SLC1A7: variants seen among roughly 807,000 people sequenced by gnomAD.
SLC1A7 encodes excitatory amino acid transporter 5.
In SLC1A7, 40 loss-of-function variants were observed where a neutral mutation model predicts 47.7. That is an observed-to-expected ratio of 0.84 (90% CI 0.65 to 1.09). SLC1A7 has a LOEUF of 1.09. Among genes scored for constraint, SLC1A7 ranks in the 50% least tolerant of loss-of-function variants. SLC1A7 has a pLI of 0.00. For missense variants in SLC1A7, 746 were observed against 769.5 expected, an observed-to-expected ratio of 0.97 and a Z score of 0.36; for synonymous variants, 323 against 325.6, an observed-to-expected ratio of 0.99 and a Z score of 0.09.
chr1:53,103,097 A>T, intron 5 of SLC1A7: 1 of 419,754 alleles, frequency 2.4e-6, no homozygotes, highest in East Asian at 4.0e-5. Flanking sequence ...AGGGTGTGGC[A>T]GGGATGCCAG....
chr1:53,134,625 C>T (rs140652714), intron 1 of SLC1A7, among the ~76,000 whole-genome samples, 196 bp from the exon 2 acceptor site: 75 of 152,250 alleles, frequency 4.9e-4, no homozygotes, highest in African/African-American at 1.8e-3. Flanking sequence ...CTCCACCAAT[C>T]CCCCACAAGC....
chr1:53,099,700 TCACA>T (rs1340764751), intron 5 of SLC1A7, among the ~76,000 whole-genome samples: 1 of 110,774 alleles, frequency 9.0e-6, no homozygotes, highest in Non-Finnish European at 2.0e-5. Flanking sequence ...CTCGGTACAC[TCACA>T]CACACCACCT....
chr1:53,116,340 TG>T (rs1644761147), intron 2 of SLC1A7: 1 of 152,360 alleles, frequency 6.6e-6, no homozygotes, highest in Non-Finnish European at 1.5e-5. Context: ...CCACTGTCCC[TG>T]CCCCCACCTC....
intron 2 of SLC1A7, among the ~76,000 whole-genome samples, chr1:53,125,759 C>T (rs1370174878): frequency 1.2e-4 from 18 of 152,182 alleles, no homozygotes; most frequent in Admixed American, 1.1e-3. Flanking sequence ...TCCACCAGAG[C>T]GTGCGGGACC....
In SLC1A7 at chr1:53,090,992, GA is replaced by G. The variant is rs756509081; in HGVS notation, c.1032-187del. On this transcript the variant is annotated intron_variant, in intron 7 of 10. Transcript: ENST00000371494. The stretch of plus-strand genomic sequence containing the variant: ...CTCTCACTTGGTTCTTCCTATGAGG[GA>G]GGTGTTTGGGTGCATTTTACAGATG... 8.1e-6 allele frequency: 12 copies of G among 1,472,686 alleles called. No homozygotes were observed. The African/African-American group carries it at 1.7e-4, about 21-fold the overall frequency. 91.2% of individuals were successfully genotyped at this position (1,472,686 alleles called of 1,614,324 possible).
chr1:53,118,912 G>A (rs113157911), intron 2 of SLC1A7, among the ~76,000 whole-genome samples: 10 of 152,288 alleles, frequency 6.6e-5, no homozygotes, highest in African/African-American at 2.4e-4. Context: ...CAGGAGAATC[G>A]CTTGAACCTG....
At chr1:53,123,263 C>G (rs1042802803) in intron 2 of SLC1A7, among the ~76,000 whole-genome samples, 1 of 152,210 alleles carries the variant, frequency 6.6e-6, no homozygotes, top group African/African-American at 2.4e-5. Flanking sequence ...CATGAGGAGT[C>G]AGGGGAACTC....
chr1:53,101,534 C>CATCACACTCACTCACCCT (rs1557673693), intron 5 of SLC1A7, among the ~76,000 whole-genome samples: 2 of 144,434 alleles, frequency 1.4e-5, no homozygotes, highest in Non-Finnish European at 3.0e-5. Flanking sequence ...CACCCTGACT[C>CATCACACTCACTCACCCT]GTCACACTCA....
chr1:53,121,563 C>T (rs116433199), intron 2 of SLC1A7, among the ~76,000 whole-genome samples: 252 of 152,302 alleles, frequency 1.7e-3, no homozygotes, highest in African/African-American at 5.8e-3. Context: ...CCAAGGCCCC[C>T]GACAGCATGT....
intron 2 of SLC1A7, among the ~76,000 whole-genome samples, chr1:53,130,264 G>A (rs532453508): frequency 5.9e-5 from 9 of 152,298 alleles, no homozygotes; most frequent in South Asian, 2.1e-4. Context: ...AAAAGAGGGC[G>A]TGCATGGCAG....
chr1:53,113,516 A>G (rs960893867), intron 3 of SLC1A7, among the ~76,000 whole-genome samples: 2 of 152,018 alleles, frequency 1.3e-5, no homozygotes, highest in African/African-American at 4.8e-5. Flanking sequence ...CTGGGTGATC[A>G]GCACACCTCA....
intron 3 of SLC1A7, among the ~76,000 whole-genome samples, chr1:53,110,649 AATC>A (rs528095123): frequency 8.4e-4 from 128 of 152,298 alleles, no homozygotes; most frequent in African/African-American, 3.0e-3. Flanking sequence ...AGCCGTTCTG[AATC>A]ATAAGACCCA....
At chr1:53,088,506 C>T (rs1195209578) in intron 10 of SLC1A7, among the ~76,000 whole-genome samples, 1 of 152,130 alleles carries the variant, frequency 6.6e-6, no homozygotes, top group East Asian at 1.9e-4. Context: ...CAGCTTCTTC[C>T]CCATGATGTG....
At chr1:53,096,206 G>A (rs34431109) in intron 5 of SLC1A7, among the ~76,000 whole-genome samples, 19,920 of 133,744 alleles carry the variant, frequency 0.15, 1,471 homozygotes, top group Middle Eastern at 0.29. Flanking sequence ...TTACTTTCAC[G>A]CGCCTAGCCT....
chr1:53,089,634 T>A (rs754462391), intron 9 of SLC1A7, among the ~76,000 whole-genome samples, 166 bp downstream of exon 9: 11 of 152,180 alleles, frequency 7.2e-5, no homozygotes, highest in African/African-American at 2.7e-4. Flanking sequence ...CCCCACAAAT[T>A]ATGCAGCCAG....
intron 2 of SLC1A7, among the ~76,000 whole-genome samples, chr1:53,116,986 C>T (rs567506536): frequency 6.6e-6 from 1 of 152,330 alleles, no homozygotes; most frequent in South Asian, 2.1e-4. Context: ...ACTCAAATGG[C>T]CCCTGGACTA....
At chr1:53,100,973 A>C (rs904151877) in intron 5 of SLC1A7, among the ~76,000 whole-genome samples, 32 of 150,524 alleles carry the variant, frequency 2.1e-4, no homozygotes, top group Non-Finnish European at 4.4e-4. Context: ...ACCTTGGTCC[A>C]CTCACACACA....
At position 53,088,870 on chromosome 1, in the gene SLC1A7, C is replaced by T. The variant is rs1168609487; in HGVS notation, c.1464+7G>A. The T allele has an allele frequency of 6.2e-7, 1 of 1,611,882 alleles. No homozygotes were observed. The highest frequency in any genetic ancestry group is 8.5e-7 in the Non-Finnish European group (1 of 1,178,102). On this transcript the variant is annotated splice_region_variant and intron_variant, in intron 10 of 10. Coordinates refer to ENST00000371494, the MANE Select transcript of SLC1A7 (RefSeq NM_006671.6). Reference sequence around the variant, plus strand: ...TCCTGGCAGCCTCTGGATCTCACTGCTCTCACCTCGGTGCCTGTGTCCCGG... The same window carrying T: ...TCCTGGCAGCCTCTGGATCTCACTGTTCTCACCTCGGTGCCTGTGTCCCGG...
intron 7 of SLC1A7, 51 bp from the exon 8 acceptor site, chr1:53,090,857 G>A: frequency 6.4e-7 from 1 of 1,565,094 alleles, no homozygotes; most frequent in Non-Finnish European, 8.7e-7. Flanking sequence ...CAGGATGGCT[G>A]GGGCCTCTGT....
Sources: gnomAD v4.1 joint callset for allele counts (sites outside exome capture counted in the v4.1 genomes callset) on GRCh38, gnomAD v4.1.1 for gene constraint, MANE v1.5 for transcripts, NCBI Gene and HGNC (gene_info 2026-07-23, HGNC 2026-07-21) for gene names.